LRFN2: variants seen among roughly 807,000 people sequenced by gnomAD.
LRFN2 encodes leucine-rich repeat and fibronectin type-III domain-containing protein 2.
In LRFN2, 18 loss-of-function variants were observed where a neutral mutation model predicts 37.3. The observed-to-expected ratio is 0.48, with a 90% CI of 0.33 to 0.72. The LOEUF (loss-of-function observed/expected upper bound fraction) is 0.72. LRFN2 is among the 30% of genes least tolerant of loss of function. The pLI is 0.02. For missense variants in LRFN2, 1,006 were observed against 1,060.7 expected, an observed-to-expected ratio of 0.95 and a Z score of 0.72; for synonymous variants, 556 against 466.6, an observed-to-expected ratio of 1.19 and a Z score of -2.47.
In LRFN2 at chr6:40,443,608, G is replaced by A. The variant is rs146541644; in HGVS notation, c.-18-10477C>T. On this transcript the variant is annotated intron_variant, in intron 1 of 2. Transcript: ENST00000338305. ...AAGGCAAATGGAGCAGAGTCTCCCT[G>A]CCTGCACCTTTCTTTATTGCTGTCC... Among the ~76,000 whole-genome samples the A allele has an allele frequency of 7.8e-3, 1,189 of 152,264 alleles. 11 individuals carry two copies. The highest frequency in any genetic ancestry group is 0.027 in the African/African-American group (1,122 of 41,540).
chr6:40,569,879 T>C (rs1767156633), intron 1 of LRFN2, among the ~76,000 whole-genome samples: 1 of 152,026 alleles, frequency 6.6e-6, no homozygotes, highest in East Asian at 1.9e-4. Context: ...TGCAGGGCCG[T>C]CTCAGGTCCG....
At chr6:40,579,594 A>G (rs1396297327) in intron 1 of LRFN2, among the ~76,000 whole-genome samples, 1 of 117,124 alleles carries the variant, frequency 8.5e-6, no homozygotes, top group Non-Finnish European at 1.8e-5. Flanking sequence ...CTCCTAAGCA[A>G]CACACACGAA....
intron 1 of LRFN2, among the ~76,000 whole-genome samples, chr6:40,437,215 C>T (rs1763703919): frequency 6.6e-6 from 1 of 152,142 alleles, no homozygotes; most frequent in South Asian, 2.1e-4. Context: ...CTTCCACTGT[C>T]CCTCCAGATC....
intron 1 of LRFN2, among the ~76,000 whole-genome samples, chr6:40,506,387 C>G (rs75607678): frequency 0.012 from 1,818 of 152,232 alleles, 37 homozygotes; most frequent in African/African-American, 0.039. Context: ...CTCTTTGAAG[C>G]ATGAATGGAA....
At chr6:40,460,056 GGAA>G (rs1397805326) in intron 1 of LRFN2, among the ~76,000 whole-genome samples, 2 of 152,196 alleles carry the variant, frequency 1.3e-5, no homozygotes, top group Non-Finnish European at 2.9e-5. Context: ...CTGGGCTCAA[GGAA>G]AATATTGATG....
intron 2 of LRFN2, among the ~76,000 whole-genome samples, chr6:40,405,101 G>A (rs1251475919): frequency 3.9e-5 from 6 of 152,146 alleles, no homozygotes; most frequent in Non-Finnish European, 5.9e-5. Flanking sequence ...CCTTTGTTTC[G>A]ATATTCTGGT....
Position 40,404,095 on chromosome 6 carries a change from G to T in LRFN2, c.1401-11183C>A, listed in dbSNP as rs114194326. 3.4e-3 allele frequency among the ~76,000 whole-genome samples: 510 copies of T among 152,222 alleles called. 2 individuals carry two copies. Among genetic ancestry groups the T allele is most frequent in the African/African-American group, 0.012 (497 of 41,530 alleles). Reference sequence around the variant, plus strand: ...GTTCCAATATCACGTTCTCAGCGAGGCCATCCCAGATCACGTTATCAACAC... The same window carrying T: ...GTTCCAATATCACGTTCTCAGCGAGTCCATCCCAGATCACGTTATCAACAC... On this transcript the variant is annotated intron_variant, in intron 2 of 2. Coordinates refer to ENST00000338305, the MANE Select transcript of LRFN2 (RefSeq NM_020737.3).
intron 1 of LRFN2, among the ~76,000 whole-genome samples, chr6:40,452,080 AG>A (rs796374941): frequency 4.6e-5 from 7 of 152,270 alleles, no homozygotes; most frequent in African/African-American, 1.7e-4. Context: ...GGAGAAACAA[AG>A]GCACAGGGAA....
At chr6:40,405,421 T>C (rs751319056) in intron 2 of LRFN2, among the ~76,000 whole-genome samples, 2 of 152,206 alleles carry the variant, frequency 1.3e-5, no homozygotes, top group Non-Finnish European at 2.9e-5. Context: ...GGGGCGTTCA[T>C]AATCTCTGCC....
intron 1 of LRFN2, among the ~76,000 whole-genome samples, chr6:40,443,772 G>A (rs1581710210): frequency 1.3e-5 from 2 of 152,262 alleles, no homozygotes; most frequent in Middle Eastern, 6.8e-3. Flanking sequence ...GGGCAGGGTG[G>A]GGGAACAAAG....
At chr6:40,460,518 C>A (rs931664194) in intron 1 of LRFN2, among the ~76,000 whole-genome samples, 2 of 152,268 alleles carry the variant, frequency 1.3e-5, no homozygotes, top group African/African-American at 4.8e-5. Flanking sequence ...AAGCACATTC[C>A]CAAGCCGTGT....
At chr6:40,396,420 C>G (rs565768076) in intron 2 of LRFN2, among the ~76,000 whole-genome samples, 2 of 152,264 alleles carry the variant, frequency 1.3e-5, no homozygotes, top group Admixed American at 1.3e-4. Context: ...TGCCTGGTCT[C>G]CCCAACTCAC....
At chr6:40,453,221 C>G (rs1465718) in intron 1 of LRFN2, among the ~76,000 whole-genome samples, 121,557 of 152,038 alleles carry the variant, frequency 0.8, 49,466 homozygotes, top group Middle Eastern at 0.9. Context: ...TATGTCAATA[C>G]GGTTGGAAGG....
intron 1 of LRFN2, among the ~76,000 whole-genome samples, chr6:40,490,317 G>A (rs867395258): frequency 4.6e-5 from 7 of 152,288 alleles, no homozygotes; most frequent in Middle Eastern, 6.8e-3. Flanking sequence ...ATTTATGGCC[G>A]TGTCCATGCC....
intron 1 of LRFN2, among the ~76,000 whole-genome samples, chr6:40,456,130 G>A (rs1222027371): frequency 6.6e-6 from 1 of 152,204 alleles, no homozygotes; most frequent in Non-Finnish European, 1.5e-5. Context: ...CAACTTAGAA[G>A]TAGATATTCC....
intron 1 of LRFN2, among the ~76,000 whole-genome samples, chr6:40,448,162 A>T (rs1164898579): frequency 9.2e-5 from 14 of 151,982 alleles, no homozygotes. Context: ...CACACCCATC[A>T]CTTGGCCTTG....
intron 2 of LRFN2, among the ~76,000 whole-genome samples, chr6:40,417,217 C>T (rs79464538): frequency 1.3e-5 from 2 of 152,210 alleles, no homozygotes; most frequent in African/African-American, 4.8e-5. Context: ...GGCTCACACG[C>T]GGTGGCATTT....
At chr6:40,511,314 G>C (rs913194513) in intron 1 of LRFN2, among the ~76,000 whole-genome samples, 1 of 152,186 alleles carries the variant, frequency 6.6e-6, no homozygotes, top group African/African-American at 2.4e-5. Flanking sequence ...CCTTTGATTA[G>C]AAGATGGATG....
chr6:40,479,135 G>C (rs1403809990), intron 1 of LRFN2, among the ~76,000 whole-genome samples: 2 of 152,190 alleles, frequency 1.3e-5, no homozygotes, highest in East Asian at 1.9e-4. Context: ...AGATGATAAT[G>C]GTTCCTACCG....
Sources: gnomAD v4.1 joint callset for allele counts (sites outside exome capture counted in the v4.1 genomes callset) on GRCh38, gnomAD v4.1.1 for gene constraint, MANE v1.5 for transcripts, NCBI Gene and HGNC (gene_info 2026-07-23, HGNC 2026-07-21) for gene names.